The following TNRC6A variants were observed in gnomAD, a reference collection of about 807,000 sequenced individuals.
TNRC6A encodes the protein trinucleotide repeat containing adaptor 6A, also known as trinucleotide repeat-containing gene 6A protein.
Under a neutral mutation model 221.2 loss-of-function variants are expected in TNRC6A, and 44 were observed. The ratio of observed to expected loss-of-function variants is 0.20; its 90% CI spans 0.16 to 0.26. The LOEUF (loss-of-function observed/expected upper bound fraction) is 0.26. Ranked by LOEUF, TNRC6A falls within the 10% of genes least tolerant of loss-of-function variation. The pLI is 1.00. For synonymous variants in TNRC6A, 847 were observed against 838.5 expected, an observed-to-expected ratio of 1.01 and a Z score of -0.18; for missense variants, 2,199 against 2,404.4, an observed-to-expected ratio of 0.91 and a Z score of 1.79.
intron 2 of TNRC6A, among the ~76,000 whole-genome samples, chr16:24,655,489 G>A (rs2054891232): frequency 6.6e-6 from 1 of 152,000 alleles, no homozygotes; most frequent in Non-Finnish European, 1.5e-5. Flanking sequence ...AGGAGTTCGA[G>A]ACCATCCTGG....
intron 2 of TNRC6A, among the ~76,000 whole-genome samples, chr16:24,739,768 C>T (rs2056853189): frequency 6.6e-6 from 1 of 152,096 alleles, no homozygotes; most frequent in Non-Finnish European, 1.5e-5. Flanking sequence ...CATGAGCCAC[C>T]GCATGCAGCC....
chr16:24,787,996 C>A (rs922919491), intron 5 of TNRC6A, among the ~76,000 whole-genome samples: 4 of 152,202 alleles, frequency 2.6e-5, no homozygotes, highest in African/African-American at 9.7e-5. Context: ...TGTACCTCCT[C>A]AAGACAGTCA....
At chr16:24,635,571 C>T (rs1034930020) in intron 1 of TNRC6A, among the ~76,000 whole-genome samples, 2 of 152,174 alleles carry the variant, frequency 1.3e-5, no homozygotes, top group Non-Finnish European at 2.9e-5. Flanking sequence ...GCACGAGCCA[C>T]CACACCTGGC....
At chr16:24,714,989 G>T (rs981977765) in intron 2 of TNRC6A, among the ~76,000 whole-genome samples, 1 of 151,108 alleles carries the variant, frequency 6.6e-6, no homozygotes, top group Non-Finnish European at 1.5e-5. Context: ...CCATTCTCCT[G>T]CCTCAGCCTC....
intron 1 of TNRC6A, among the ~76,000 whole-genome samples, chr16:24,626,041 G>A (rs1051791488): frequency 6.6e-6 from 1 of 152,084 alleles, no homozygotes; most frequent in African/African-American, 2.4e-5. Context: ...TAGATTCAGG[G>A]GTTACATGTG....
At chr16:24,674,101 G>T (rs779442707) in intron 2 of TNRC6A, among the ~76,000 whole-genome samples, 3 of 151,868 alleles carry the variant, frequency 2.0e-5, no homozygotes, top group Non-Finnish European at 4.4e-5. Context: ...GACAGGGTTT[G>T]GCTGTGTCGC....
intron 1 of TNRC6A, among the ~76,000 whole-genome samples, chr16:24,615,826 G>C (rs1453781740): frequency 6.6e-6 from 1 of 151,976 alleles, no homozygotes; most frequent in Non-Finnish European, 1.5e-5. Context: ...AGGAGTATGA[G>C]ACAAGCCTGG....
At chr16:24,660,728 C>CTTTTTTTTTTTTTTT (rs138458968) in intron 2 of TNRC6A, among the ~76,000 whole-genome samples, 2 of 122,550 alleles carry the variant, frequency 1.6e-5, no homozygotes, top group East Asian at 2.4e-4. Context: ...TTTCTTTTTT[C>CTTTTTTTTTTTTTTT]TTTTTTTTTT....
intron 3 of TNRC6A, among the ~76,000 whole-genome samples, chr16:24,756,662 T>TTTTG (rs1555499877): frequency 6.6e-6 from 1 of 152,194 alleles, no homozygotes; most frequent in Non-Finnish European, 1.5e-5. Flanking sequence ...CTTTGTTTTG[T>TTTTG]TTTGCTTTTT....
intron 11 of TNRC6A, among the ~76,000 whole-genome samples, chr16:24,800,129 T>C (rs2058302444): frequency 6.6e-6 from 1 of 152,188 alleles, no homozygotes; most frequent in Admixed American, 6.5e-5. Context: ...TGGAAGCGTT[T>C]TCTCTCTCAA....
chr16:24,704,101 A>T (rs2056044392), intron 2 of TNRC6A, among the ~76,000 whole-genome samples: 1 of 116,540 alleles, frequency 8.6e-6, no homozygotes. Flanking sequence ...AAAAAAAAAA[A>T]ATTTTTTTTT....
intron 2 of TNRC6A, among the ~76,000 whole-genome samples, chr16:24,715,781 C>T (rs1277477930): frequency 6.6e-6 from 1 of 151,858 alleles, no homozygotes; most frequent in African/African-American, 2.4e-5. Flanking sequence ...CCAAGCCTGG[C>T]TAAATTTTTT....
At chr16:24,798,289 G>A (rs1464187820) in intron 11 of TNRC6A, among the ~76,000 whole-genome samples, 1 of 152,170 alleles carries the variant, frequency 6.6e-6, no homozygotes, top group African/African-American at 2.4e-5. Context: ...CTATACTGGA[G>A]GAATGGCAAG....
intron 10 of TNRC6A, 136 bp downstream of exon 10, chr16:24,797,706 C>G: frequency 1.1e-6 from 1 of 907,954 alleles, no homozygotes; most frequent in East Asian, 2.7e-5. Context: ...AAATCGGCCT[C>G]CAAACCTTCA....
At chr16:24,731,306 T>C (rs1449055423) in intron 2 of TNRC6A, among the ~76,000 whole-genome samples, 1 of 152,242 alleles carries the variant, frequency 6.6e-6, no homozygotes, top group African/African-American at 2.4e-5. Flanking sequence ...ATTGGGGTTT[T>C]TAACACTCAC....
chr16:24,735,903 G>T (rs1208818295), intron 2 of TNRC6A, among the ~76,000 whole-genome samples: 1 of 152,170 alleles, frequency 6.6e-6, no homozygotes, highest in Non-Finnish European at 1.5e-5. Context: ...AGTGGCTCAT[G>T]CCTGTAATCC....
At chr16:24,821,099 G>A (rs944336781) in intron 22 of TNRC6A, among the ~76,000 whole-genome samples, 3 of 152,220 alleles carry the variant, frequency 2.0e-5, no homozygotes, top group African/African-American at 7.2e-5. Context: ...AAAACTTGCA[G>A]CTTTTCCTTT....
intron 5 of TNRC6A, among the ~76,000 whole-genome samples, chr16:24,781,040 ACTC>A (rs1348686703): frequency 5.5e-5 from 4 of 72,218 alleles, no homozygotes; most frequent in African/African-American, 2.8e-4. Context: ...AAGCCTCCAT[ACTC>A]TTTTTTTTTT....
intron 2 of TNRC6A, among the ~76,000 whole-genome samples, chr16:24,749,073 C>T (rs2057077821): frequency 6.6e-6 from 1 of 152,146 alleles, no homozygotes; most frequent in African/African-American, 2.4e-5. Context: ...GGAAAGCTTC[C>T]TCAGGGCAGA....
Sources: gnomAD v4.1 joint callset for allele counts (sites outside exome capture counted in the v4.1 genomes callset) on GRCh38, gnomAD v4.1.1 for gene constraint, MANE v1.5 for transcripts, NCBI Gene and HGNC (gene_info 2026-07-23, HGNC 2026-07-21) for gene names.